The following GLP2R variants were observed in gnomAD, a reference collection of about 807,000 sequenced individuals.
GLP2R encodes the protein glucagon-like peptide 2 receptor.
In GLP2R, 59 loss-of-function variants were observed where a neutral mutation model predicts 68.2. That is an observed-to-expected ratio of 0.87 (90% confidence interval 0.70 to 1.07). GLP2R has a LOEUF of 1.07. Ranked by LOEUF, GLP2R falls within the 50% of genes least tolerant of loss-of-function variation. The pLI is 0.00. For synonymous variants in GLP2R, 270 were observed against 265.4 expected (o/e 1.02, Z -0.17); for missense variants, 548 against 677.4 (o/e 0.81, Z 2.12).
chr17:9,828,146 A>G (rs2066649334), intron 1 of GLP2R, among the ~76,000 whole-genome samples: 1 of 152,148 alleles, frequency 6.6e-6, no homozygotes, highest in African/African-American at 2.4e-5. Flanking sequence ...AGACAGGCAG[A>G]TAACCCCTGC....
chr17:9,842,461 C>T (rs1195166566), intron 3 of GLP2R, 34 bp from the exon 4 acceptor site: 1 of 1,613,726 alleles, frequency 6.2e-7, no homozygotes, highest in African/African-American at 1.3e-5. Flanking sequence ...GCTGTGTGTT[C>T]TGACCTTTCC....
intron 4 of GLP2R, among the ~76,000 whole-genome samples, chr17:9,846,684 CT>C (rs2066842048): frequency 6.6e-6 from 1 of 152,084 alleles, no homozygotes; most frequent in Non-Finnish European, 1.5e-5. Flanking sequence ...TACAGATGTT[CT>C]TTATAAAGTT....
Position 9,862,106 on chromosome 17 carries a change from T to G in GLP2R, c.1056+16T>G. 6.3e-7 allele frequency: 1 copy of G among 1,590,012 alleles called. No individual in the cohort carries two copies. ...CTGTGTAACAGTAAGGACCATCCCA[T>G]CCACCTCTTTGTCTCGGAGCCTAGC... On this transcript the variant is annotated intron_variant, in intron 9 of 12. Transcript: ENST00000262441.
chr17:9,846,709 TG>T (rs1391712015), intron 4 of GLP2R, among the ~76,000 whole-genome samples: 9 of 152,220 alleles, frequency 5.9e-5, no homozygotes, highest in Non-Finnish European at 8.8e-5. Context: ...TTAACTTTGG[TG>T]TATGTTTGAA....
chr17:9,867,209 T>G (rs1362402298), intron 9 of GLP2R, among the ~76,000 whole-genome samples: 2 of 152,180 alleles, frequency 1.3e-5, no homozygotes, highest in Admixed American at 1.3e-4. Flanking sequence ...AACCAAGCAC[T>G]GGGACCAAGG....
rs559072312 is a variant in GLP2R, at chr17:9,857,621, G to A, written c.765+45G>A. ...TTTACACTGGACTCCCCACCTGATG[G>A]GTCAGTACTGGGAATCAGAAGGCAG... On this transcript the variant is annotated intron_variant, in intron 6 of 12. Coordinates refer to ENST00000262441, the MANE Select transcript of GLP2R (RefSeq NM_004246.3). 3.3e-4 allele frequency: 525 copies of A among 1,589,186 alleles called. 4 individuals carry two copies. In the South Asian group the frequency reaches 5.5e-3, roughly 17 times the overall value.
In GLP2R at chr17:9,880,367, G is replaced by A; in HGVS notation, c.1146-11G>A. ...TGGCCCTCTTGACTGTTATTTGGTT[G>A]TCATTTACAGATTGGCAAAATCAAC... On this transcript the variant is annotated splice_polypyrimidine_tract_variant and intron_variant, in intron 10 of 12. Transcript: ENST00000262441. The A allele has an allele frequency of 6.4e-7, 1 of 1,572,856 alleles. No individual in the cohort carries two copies. The highest frequency in any genetic ancestry group is 8.7e-7 in the Non-Finnish European group (1 of 1,151,046).
rs201619013 is a variant in GLP2R, at chr17:9,842,658, A to G, written c.504+42A>G. 6.3e-5 allele frequency: 101 copies of G among 1,609,070 alleles called. No homozygotes were observed. In the African/African-American group the frequency reaches 1.0e-3, roughly 16 times the overall value. On this transcript the variant is annotated intron_variant, in intron 4 of 12. Transcript: ENST00000262441. The stretch of plus-strand genomic sequence containing the variant: ...CAGTGAGGAGGCATCCAGGGTCCAA[A>G]CCACCCTCCTTCGGGACACCCCAGT...
At chr17:9,827,317 C>T (rs993755345) in intron 1 of GLP2R, among the ~76,000 whole-genome samples, 1 of 152,162 alleles carries the variant, frequency 6.6e-6, no homozygotes, top group Non-Finnish European at 1.5e-5. Context: ...CCAGGTGCCC[C>T]CGTTCCTCAT....
chr17:9,830,848 T>C (rs1483987735), intron 1 of GLP2R, among the ~76,000 whole-genome samples: 1 of 152,228 alleles, frequency 6.6e-6, no homozygotes, highest in Non-Finnish European at 1.5e-5. Flanking sequence ...CAAAAATCAG[T>C]GTGGAACAGG....
intron 8 of GLP2R, 104 bp from the exon 9 acceptor site, chr17:9,861,917 G>C: frequency 1.2e-6 from 1 of 819,578 alleles, no homozygotes; most frequent in Non-Finnish European, 2.1e-6. Context: ...GTGGGAAGTA[G>C]GGCTTGAGTG....
At chr17:9,826,308 A>T (rs1196530160) in intron 1 of GLP2R, 56 bp downstream of exon 1, 32 of 1,310,488 alleles carry the variant, frequency 2.4e-5, no homozygotes, top group African/African-American at 4.6e-5. Context: ...ATTTTTTTTT[A>T]AAGAAGCAAT....
intron 3 of GLP2R, among the ~76,000 whole-genome samples, chr17:9,839,056 T>C (rs552526115): frequency 4.6e-5 from 7 of 152,302 alleles, no homozygotes; most frequent in African/African-American, 7.2e-5. Flanking sequence ...TGTTAGTCAC[T>C]AGGGTTTCAA....
chr17:9,876,089 C>T (rs1418442503), intron 10 of GLP2R, among the ~76,000 whole-genome samples: 1 of 152,126 alleles, frequency 6.6e-6, no homozygotes, highest in East Asian at 1.9e-4. Context: ...GTTGGTCAGG[C>T]TGGTCTCCAA....
At position 9,880,190 on chromosome 17, in the gene GLP2R, G is replaced by A. The variant is rs182664220; in HGVS notation, c.1146-188G>A. On this transcript the variant is annotated intron_variant, in intron 10 of 12. Coordinates refer to ENST00000262441, the MANE Select transcript of GLP2R (RefSeq NM_004246.3). Reference sequence around the variant, plus strand: ...TTTCTGAGCATTCCCCATGCGTCAAGTGTAGGAACACAACAGTAAACAAGA... The same window carrying A: ...TTTCTGAGCATTCCCCATGCGTCAAATGTAGGAACACAACAGTAAACAAGA... 1.5e-3 allele frequency among the ~76,000 whole-genome samples: 222 copies of A among 152,304 alleles called. 4 individuals are homozygous for A. The highest frequency in any genetic ancestry group is 2.8e-4 in the Non-Finnish European group (19 of 68,032).
At chr17:9,877,757 T>G (rs1193816230) in intron 10 of GLP2R, among the ~76,000 whole-genome samples, 2 of 151,570 alleles carry the variant, frequency 1.3e-5, no homozygotes, top group East Asian at 3.9e-4. Flanking sequence ...GGCGCCTGTA[T>G]TCCCAGGTAC....
intron 11 of GLP2R, among the ~76,000 whole-genome samples, chr17:9,885,422 T>C (rs2152050074): frequency 6.6e-6 from 1 of 152,096 alleles, no homozygotes; most frequent in South Asian, 2.1e-4. Context: ...GTTCTTTTGA[T>C]ACATGTGATT....
chr17:9,860,593 C>T (rs934446421), intron 7 of GLP2R, among the ~76,000 whole-genome samples: 3 of 152,186 alleles, frequency 2.0e-5, no homozygotes, highest in Non-Finnish European at 4.4e-5. Context: ...GGGCACTAAT[C>T]CTGTCATGAG....
chr17:9,877,360 G>C lies in GLP2R; in HGVS notation c.1146-3018G>C, dbSNP rs116176268. Among the ~76,000 whole-genome samples, 392 of 152,284 alleles carry C rather than the reference G, an allele frequency of 2.6e-3. 2 individuals are homozygous for C. Among genetic ancestry groups the C allele is most frequent in the African/African-American group, 9.1e-3 (379 of 41,538 alleles). On this transcript the variant is annotated intron_variant, in intron 10 of 12. Coordinates refer to ENST00000262441, the MANE Select transcript of GLP2R (RefSeq NM_004246.3). ...TCGTCTAAGGAGAAGTTAGAATAAGGTGAAGGGTAGACAATCCCTTCATGT... is the reference window on the plus strand; with the variant it reads ...TCGTCTAAGGAGAAGTTAGAATAAGCTGAAGGGTAGACAATCCCTTCATGT...
Sources: allele counts gnomAD v4.1 joint callset (sites outside exome capture counted in the v4.1 genomes callset), GRCh38; gene constraint gnomAD v4.1.1; transcripts MANE v1.5; gene names NCBI Gene and HGNC (gene_info 2026-07-23, HGNC 2026-07-21).